Variants in ADAMTS13 observed in about 807,000 individuals in gnomAD.
ADAMTS13 encodes the protein A disintegrin and metalloproteinase with thrombospondin motifs 13.
Under a neutral mutation model 155.1 loss-of-function variants are expected in ADAMTS13, and 110 were observed. That is an observed-to-expected ratio of 0.71 (90% CI 0.61 to 0.83). The LOEUF is 0.83. ADAMTS13 is among the 40% of genes least tolerant of loss of function. The pLI is 0.00. For missense variants in ADAMTS13, 1,707 were observed against 1,891.7 expected (o/e 0.90, Z 1.81); for synonymous variants, 758 against 756.4 (o/e 1.00, Z -0.03).
At position 133,448,502 on chromosome 9, in the gene ADAMTS13, T is replaced by C. The variant is rs587659772; in HGVS notation, c.2732-97T>C. 2.7e-5 allele frequency: 41 copies of C among 1,537,216 alleles called. 1 individual carries two copies. The East Asian group carries it at 3.8e-4, about 14-fold the overall frequency. ...GTGGCAGAGCCGGGATTGAAACCCA[T>C]GCGGGCCTTATGTGCTAGAGGTGTC... is the stretch of plus-strand genomic sequence containing the variant. On this transcript the variant is annotated intron_variant, in intron 21 of 28. Transcript: ENST00000355699.
At chr9:133,426,739 G>C (rs1554785403) in intron 6 of ADAMTS13, among the ~76,000 whole-genome samples, 2 of 151,548 alleles carry the variant, frequency 1.3e-5, no homozygotes, top group African/African-American at 4.8e-5. Flanking sequence ...TTGGATCCCT[G>C]AAAAAAAGGA....
Position 133,425,704 on chromosome 9 carries a change from C to G in ADAMTS13, c.414+92C>G, listed in dbSNP as rs1840235360. On this transcript the variant is annotated intron_variant, in intron 4 of 28. Coordinates refer to ENST00000355699, the MANE Select transcript of ADAMTS13 (RefSeq NM_139027.6). This position sits in a 1 kb window ranked among gnomAD's most constrained non-coding sequence, Gnocchi z 4.6. ...CTCTTTAACCTCTTGTCCCGGATGC[C>G]CCAAGCAGCATGGATCACAGAATGC... 4 of 1,466,516 alleles carry G rather than the reference C, an allele frequency of 2.7e-6. No individual in the cohort carries two copies. The East Asian group carries it at 9.8e-5, about 36-fold the overall frequency. 90.8% of individuals were successfully genotyped at this position (1,466,516 alleles called of 1,614,324 possible). A position where few individuals can be genotyped will look rare whatever the true frequency, so the allele number is the denominator to read the frequency against.
At chr9:133,452,394 C>G (rs1842488000) in intron 23 of ADAMTS13, among the ~76,000 whole-genome samples, 1 of 151,948 alleles carries the variant, frequency 6.6e-6, no homozygotes, top group Non-Finnish European at 1.5e-5. Context: ...TCTAGCTATT[C>G]TCTTGCCCAT....
At chr9:133,453,514 T>A (rs587612483) in intron 23 of ADAMTS13, among the ~76,000 whole-genome samples, 2 of 151,672 alleles carry the variant, frequency 1.3e-5, no homozygotes, top group East Asian at 3.9e-4. Flanking sequence ...TTACAAAAAT[T>A]AGCCAGGCAT....
Position 133,458,036 on chromosome 9 carries a change from A to G in ADAMTS13, c.3851A>G (p.His1284Arg). The G allele has an allele frequency of 3.1e-6, 5 of 1,613,488 alleles. No homozygotes were observed. The highest frequency in any genetic ancestry group is 4.2e-6 in the Non-Finnish European group (5 of 1,180,028). Residue 1284 changes from histidine (H) to arginine (R), a missense_variant, in exon 28 of 29, where the codon CAT (histidine) becomes CGT (arginine). His to Arg is a conservative substitution (Grantham distance 29). Around this residue, in one of 3 missense-constraint regions of ADAMTS13, gnomAD observed 961 missense variants for 1,107.9 expected, o/e 0.87. Transcript: ENST00000355699. ...NVAPHARIAIHALATNMGAGT... is the reference protein window; with the variant it reads ...NVAPHARIAIRALATNMGAGT... Reference sequence around the variant, plus strand: ...GCTCCGCACGCACGGATTGCCATCCATGCCCTGGCCACCAACATGGGCGCT... The same window carrying G: ...GCTCCGCACGCACGGATTGCCATCCGTGCCCTGGCCACCAACATGGGCGCT...
chr9:133,437,614 T>C (rs1841335002), intron 12 of ADAMTS13, 135 bp from the exon 13 acceptor site: 1 of 983,684 alleles, frequency 1.0e-6, no homozygotes, highest in Non-Finnish European at 1.6e-6. Context: ...GTGATTAGGA[T>C]TATTGCCTTA....
rs782246530 is a variant in ADAMTS13 at position 133,425,829 on chromosome 9, G to A, written c.415-109G>A. ...GCCTCAGTTGTCTCATCCCTAACAC[G>A]GGCTAGTCATAGGGTTGTTAGGAGG... is the stretch of plus-strand genomic sequence containing the variant. On this transcript the variant is annotated intron_variant, in intron 4 of 28. Coordinates refer to ENST00000355699, the MANE Select transcript of ADAMTS13 (RefSeq NM_139027.6). The surrounding 1 kb of genome is among the most constrained non-coding windows in gnomAD (Gnocchi z 4.6). 1.3e-4 allele frequency: 200 copies of A among 1,540,332 alleles called. No individual in the cohort carries two copies. Among genetic ancestry groups the A allele is most frequent in the Non-Finnish European group, 1.7e-4 (193 of 1,140,384 alleles).
At position 133,456,830 on chromosome 9, in the gene ADAMTS13, A is replaced by C; in HGVS notation, c.3724+111A>C. On this transcript the variant is annotated intron_variant, in intron 27 of 28. Transcript: ENST00000355699. The surrounding 1 kb of genome is among the most constrained non-coding windows in gnomAD (Gnocchi z 4.4). ...CCAGTGGGGCAGTGGGAAGATACGGAGGGAACTGACTGAGATGGAAGGAAC... is the reference window on the plus strand; with the variant it reads ...CCAGTGGGGCAGTGGGAAGATACGGCGGGAACTGACTGAGATGGAAGGAAC... The C allele has an allele frequency of 7.3e-7, 1 of 1,371,218 alleles. No homozygotes were observed. The highest frequency in any genetic ancestry group is 1.0e-6 in the Non-Finnish European group (1 of 992,874). The allele number at this position is 1,371,218 out of a possible 1,614,324, so 84.9% of individuals were successfully genotyped here.
intron 2 of ADAMTS13, among the ~76,000 whole-genome samples, chr9:133,423,413 G>C (rs944891472): frequency 2.0e-5 from 3 of 152,198 alleles, no homozygotes; most frequent in Non-Finnish European, 4.4e-5. Context: ...AACGGTCACC[G>C]ATTGGCTGGC....
intron 7 of ADAMTS13, among the ~76,000 whole-genome samples, chr9:133,429,173 C>CCA (rs1262812234): frequency 2.7e-5 from 3 of 111,234 alleles, no homozygotes; most frequent in Admixed American, 1.7e-4. Flanking sequence ...CTGCACCCAC[C>CCA]CCCCCGTCCC....
intron 15 of ADAMTS13, 54 bp downstream of exon 15, chr9:133,439,500 C>A: frequency 6.7e-7 from 1 of 1,494,884 alleles, no homozygotes; most frequent in Non-Finnish European, 9.3e-7. Context: ...AGGTGCAGAG[C>A]ACTGTTGCCA....
intron 6 of ADAMTS13, 25 bp downstream of exon 6, chr9:133,426,370 C>T (rs1554785324): frequency 1.3e-6 from 2 of 1,598,860 alleles, no homozygotes; most frequent in South Asian, 2.2e-5. Flanking sequence ...CAGCTGTCCC[C>T]AGGATCTGGC....
intron 10 of ADAMTS13, 34 bp downstream of exon 10, chr9:133,433,563 T>C: frequency 6.2e-7 from 1 of 1,613,524 alleles, no homozygotes; most frequent in Non-Finnish European, 8.5e-7. Flanking sequence ...TGTCAGGGAG[T>C]GTGGCCATAC....
intron 11 of ADAMTS13, among the ~76,000 whole-genome samples, chr9:133,434,545 T>A (rs1224419493): frequency 1.3e-5 from 2 of 152,182 alleles, no homozygotes; most frequent in Non-Finnish European, 2.9e-5. Context: ...GACCTCGTGA[T>A]CCGCCTGCCT....
At chr9:133,435,191 CTTT>C (rs1415886784) in intron 11 of ADAMTS13, among the ~76,000 whole-genome samples, 1 of 138,870 alleles carries the variant, frequency 7.2e-6, no homozygotes, top group Non-Finnish European at 1.6e-5. Flanking sequence ...TTTTTTTTTT[CTTT>C]TTTTTTTTTT....
chr9:133,443,327 G>GC (rs1254626886), intron 18 of ADAMTS13, 49 bp from the exon 19 acceptor site: 24 of 1,558,354 alleles, frequency 1.5e-5, no homozygotes, highest in Non-Finnish European at 1.8e-5. Flanking sequence ...ATCACCCCAG[G>GC]CCAGCCTGGG....
Position 133,455,263 on chromosome 9 carries a change from T to G in ADAMTS13, c.3250-22T>G, listed in dbSNP as rs587626612. 15 of 1,599,814 alleles carry G rather than the reference T, an allele frequency of 9.4e-6. No homozygotes were observed. The African/African-American group carries it at 1.6e-4, about 17-fold the overall frequency. On this transcript the variant is annotated intron_variant, in intron 24 of 28. Transcript: ENST00000355699. ...ACCTTCTGGCAGGGTCAGCTGTGAC[T>G]CCTCCTCCCCTCTCTTGGCAGTGCT...
chr9:133,437,187 A>G (rs1331385004), intron 12 of ADAMTS13, among the ~76,000 whole-genome samples: 1 of 152,198 alleles, frequency 6.6e-6, no homozygotes, highest in African/African-American at 2.4e-5. Flanking sequence ...AGATAATAGC[A>G]GTAGGTCCCT....
intron 8 of ADAMTS13, among the ~76,000 whole-genome samples, chr9:133,430,810 G>A (rs1250457295): frequency 6.7e-6 from 1 of 150,310 alleles, no homozygotes; most frequent in African/African-American, 2.5e-5. Context: ...ACAGGCGCCC[G>A]CCACCACGCC....
Sources: gnomAD v4.1 joint callset for allele counts (sites outside exome capture counted in the v4.1 genomes callset) on GRCh38, gnomAD v4.1.1 for gene constraint, gnomAD v4.1.1 regional missense constraint, Gnocchi (gnomAD v3.1) non-coding constraint, MANE v1.5 for transcripts, NCBI Gene and HGNC (gene_info 2026-07-23, HGNC 2026-07-21) for gene names.